IL34: variants seen among roughly 807,000 people sequenced by gnomAD.
IL34 encodes interleukin-34.
In IL34, 17 loss-of-function variants were observed where a neutral mutation model predicts 25.3. The ratio of observed to expected loss-of-function variants is 0.67; its 90% CI spans 0.46 to 1.01. The LOEUF (loss-of-function observed/expected upper bound fraction) is 1.01. Ranked by LOEUF, IL34 falls within the 50% of genes least tolerant of loss-of-function variation. The pLI is 0.00. For missense variants in IL34, 368 were observed against 312.9 expected, an observed-to-expected ratio of 1.18 and a Z score of -1.33; for synonymous variants, 174 against 140.9, an observed-to-expected ratio of 1.23 and a Z score of -1.66.
intron 1 of IL34, among the ~76,000 whole-genome samples, chr16:70,640,628 A>AG (rs944899075): frequency 4.1e-5 from 6 of 147,444 alleles, no homozygotes; most frequent in African/African-American, 1.5e-4. Flanking sequence ...CGTCTCAATA[A>AG]AAAAAAAAAA....
chr16:70,597,185 G>A (rs540516804), intron 1 of IL34, among the ~76,000 whole-genome samples: 55 of 151,742 alleles, frequency 3.6e-4, no homozygotes, highest in African/African-American at 1.2e-3. Context: ...ATCTCCTAAA[G>A]TGAAGTTACC....
At chr16:70,651,535 T>C (rs1179397831) in intron 1 of IL34, among the ~76,000 whole-genome samples, 1 of 152,104 alleles carries the variant, frequency 6.6e-6, no homozygotes, top group Admixed American at 6.6e-5. Context: ...GCAAGGGCAC[T>C]CCTGGTGGGA....
At chr16:70,589,036 G>T (rs571408212) in intron 1 of IL34, among the ~76,000 whole-genome samples, 118 of 152,136 alleles carry the variant, frequency 7.8e-4, no homozygotes, top group African/African-American at 2.8e-3. Context: ...GCTGAGAGCG[G>T]TGGCAAAAAT....
chr16:70,634,553 G>A (rs1383610331), intron 1 of IL34, among the ~76,000 whole-genome samples: 1 of 151,922 alleles, frequency 6.6e-6, no homozygotes, highest in African/African-American at 2.4e-5. Context: ...GGTGGCACGT[G>A]CCTATAATCC....
chr16:70,602,154 G>C (rs1399538938), intron 1 of IL34, among the ~76,000 whole-genome samples: 2 of 152,198 alleles, frequency 1.3e-5, no homozygotes, highest in African/African-American at 4.8e-5. Context: ...GTTGCAGTGA[G>C]CCGTGGAGGC....
chr16:70,603,859 G>A (rs1597741544), intron 1 of IL34, among the ~76,000 whole-genome samples: 1 of 152,200 alleles, frequency 6.6e-6, no homozygotes, highest in East Asian at 1.9e-4. Flanking sequence ...TGTGATTGCA[G>A]GTGTGCACCA....
At chr16:70,645,687 C>T (rs187186388), upstream of IL34, among the ~76,000 whole-genome samples, 13 of 152,288 alleles carry the variant, frequency 8.5e-5, no homozygotes, top group African/African-American at 3.1e-4. Flanking sequence ...CTTTCTGGGC[C>T]TCAGTTTCCT....
intron 1 of IL34, among the ~76,000 whole-genome samples, chr16:70,637,935 A>G (rs1471909928): frequency 6.6e-6 from 1 of 152,170 alleles, no homozygotes; most frequent in Non-Finnish European, 1.5e-5. Context: ...TTTGACATTT[A>G]GGTGGTTTCC....
chr16:70,634,758 TAG>T (rs1184424305), intron 1 of IL34, among the ~76,000 whole-genome samples: 1 of 152,074 alleles, frequency 6.6e-6, no homozygotes. Context: ...CCACCTGGGA[TAG>T]CCACAGTTCT....
chr16:70,654,173 C>G (rs2052152505), intron 1 of IL34: 1 of 177,642 alleles, frequency 5.6e-6, no homozygotes, highest in Non-Finnish European at 1.2e-5. Context: ...CAGCAACGAG[C>G]TTTGAAAACA....
Position 70,656,915 on chromosome 16 carries a change from G to T in IL34, c.241-45G>T, listed in dbSNP as rs781195680. 11 of 1,578,360 alleles carry T rather than the reference G, an allele frequency of 7.0e-6. No individual in the cohort carries two copies. In the East Asian group the frequency reaches 2.5e-4, roughly 35 times the overall value. On this transcript the variant is annotated intron_variant, in intron 3 of 5. Coordinates refer to ENST00000288098, the MANE Select transcript of IL34 (RefSeq NM_001393494.1). ...CTGGTGAGGGAGTGGTCAGAGCCCA[G>T]AGGCCCATGTCTCCCGAGTTGCAGT... is the stretch of plus-strand genomic sequence containing the variant.
At chr16:70,610,151 A>C (rs112314017) in intron 1 of IL34, among the ~76,000 whole-genome samples, 1 of 151,938 alleles carries the variant, frequency 6.6e-6, no homozygotes. Flanking sequence ...GCAGTGAGCC[A>C]AGATTGCGCC....
At chr16:70,586,423 G>T (rs941713100) in intron 1 of IL34, among the ~76,000 whole-genome samples, 1 of 152,164 alleles carries the variant, frequency 6.6e-6, no homozygotes, top group African/African-American at 2.4e-5. Context: ...AACTGGTGGT[G>T]TGTGTGCCTG....
intron 2 of IL34, among the ~76,000 whole-genome samples, chr16:70,656,193 C>A (rs773807151): frequency 6.6e-6 from 1 of 152,158 alleles, no homozygotes; most frequent in Non-Finnish European, 1.5e-5. Flanking sequence ...TGCACAGGAC[C>A]ACCTCTGCCG....
At chr16:70,657,174 T>C (rs997725248) in intron 4 of IL34, 53 bp downstream of exon 4, 7 of 1,552,476 alleles carry the variant, frequency 4.5e-6, no homozygotes, top group Non-Finnish European at 5.3e-6. Flanking sequence ...CACACGTGTG[T>C]ACATGTGTGT....
At chr16:70,598,176 G>T (rs911905560) in intron 1 of IL34, among the ~76,000 whole-genome samples, 1 of 152,032 alleles carries the variant, frequency 6.6e-6, no homozygotes, top group African/African-American at 2.4e-5. Flanking sequence ...GGTCTGAGAT[G>T]CTTCTCCATC....
At chr16:70,628,878 C>T (rs1001102420) in intron 1 of IL34, among the ~76,000 whole-genome samples, 12 of 150,404 alleles carry the variant, frequency 8.0e-5, no homozygotes, top group Admixed American at 4.7e-4. Context: ...GCTTCGAACT[C>T]CTGGGTTCAA....
chr16:70,648,724 G>T (rs1340244814), intron 1 of IL34, among the ~76,000 whole-genome samples: 2 of 152,038 alleles, frequency 1.3e-5, no homozygotes, highest in African/African-American at 4.8e-5. Flanking sequence ...AGGGGCTGGG[G>T]TGCTGAGGAA....
intron 1 of IL34, among the ~76,000 whole-genome samples, chr16:70,613,570 G>C (rs933843838): frequency 1.3e-5 from 2 of 152,136 alleles, no homozygotes; most frequent in East Asian, 1.9e-4. Flanking sequence ...GCACCTGGGA[G>C]CTTGTCAGAA....
Sources: allele counts gnomAD v4.1 joint callset (sites outside exome capture counted in the v4.1 genomes callset), GRCh38; gene constraint gnomAD v4.1.1; transcripts MANE v1.5; gene names NCBI Gene and HGNC (gene_info 2026-07-23, HGNC 2026-07-21).